The following MARCHF1 variants were observed in gnomAD, a reference collection of about 807,000 sequenced individuals.
MARCHF1 encodes membrane associated ring-CH-type finger 1.
In MARCHF1, 40 loss-of-function variants were observed where a neutral mutation model predicts 54.2. That is an observed-to-expected ratio of 0.74 (90% confidence interval 0.57 to 0.96). The LOEUF (loss-of-function observed/expected upper bound fraction) is 0.96, where lower values mean the gene tolerates loss of function less well. MARCHF1 is among the 40% of genes least tolerant of loss of function. The pLI is 0.00. For missense variants in MARCHF1, 586 were observed against 656.5 expected (o/e 0.89, Z 1.17); for synonymous variants, 236 against 236.3 (o/e 1.00, Z 0.01).
At chr4:163,773,642 G>T (rs1747221398) in intron 4 of MARCHF1, among the ~76,000 whole-genome samples, 1 of 152,164 alleles carries the variant, frequency 6.6e-6, no homozygotes, top group African/African-American at 2.4e-5. Flanking sequence ...AGATTGTGAA[G>T]TGTGAGACTG....
chr4:163,822,441 T>G (rs1560772522), intron 4 of MARCHF1, among the ~76,000 whole-genome samples: 1 of 151,924 alleles, frequency 6.6e-6, no homozygotes, highest in Admixed American at 6.6e-5. Flanking sequence ...ATAGAGGTCA[T>G]AGGTGTCATT....
intron 2 of MARCHF1, among the ~76,000 whole-genome samples, chr4:164,076,052 T>C (rs544730602): frequency 2.8e-4 from 42 of 152,196 alleles, no homozygotes; most frequent in African/African-American, 9.4e-4. Context: ...TGGTAGGTGC[T>C]TAAAAGAAGT....
chr4:163,785,880 T>C (rs1747604094), intron 4 of MARCHF1, among the ~76,000 whole-genome samples: 1 of 152,148 alleles, frequency 6.6e-6, no homozygotes, highest in Non-Finnish European at 1.5e-5. Flanking sequence ...GGTGAAAATA[T>C]TCTGGATTAT....
Position 164,272,828 on chromosome 4 carries a change from TA to T in MARCHF1, c.-323+111041del, listed in dbSNP as rs549352307. On this transcript the variant is annotated intron_variant, in intron 1 of 9. Transcript: ENST00000514618. ...ATATTATGCAATAAAAATGAGAAAA[TA>T]AAAAAGTAGAAAATGATAAATAACA... is the stretch of plus-strand genomic sequence containing the variant. Among the ~76,000 whole-genome samples the T allele has an allele frequency of 2.8e-3, 424 of 151,498 alleles. 2 individuals are homozygous for T. The highest frequency in any genetic ancestry group is 9.6e-3 in the African/African-American group (397 of 41,340).
chr4:163,622,514 A>G (rs1328136935), intron 5 of MARCHF1, among the ~76,000 whole-genome samples: 1 of 152,194 alleles, frequency 6.6e-6, no homozygotes, highest in Non-Finnish European at 1.5e-5. Context: ...GACTGAGATC[A>G]CTTTGAGAAA....
chr4:163,903,340 A>G lies in MARCHF1; in HGVS notation c.-38-49171T>C, dbSNP rs149938679. Among the ~76,000 whole-genome samples the G allele has an allele frequency of 2.9e-4, 44 of 152,274 alleles. 1 individual carries two copies. Among genetic ancestry groups the G allele is most frequent in the African/African-American group, 1.0e-3 (43 of 41,560 alleles). ...GGAAATTCTACTGCAGCTTATCTCAAGATATCTCTATTTAACCTGGGAATT... is the reference window on the plus strand; with the variant it reads ...GGAAATTCTACTGCAGCTTATCTCAGGATATCTCTATTTAACCTGGGAATT... On this transcript the variant is annotated intron_variant, in intron 3 of 9. Transcript: ENST00000514618.
At chr4:164,183,919 T>C (rs557296850) in intron 1 of MARCHF1, among the ~76,000 whole-genome samples, 19 of 152,272 alleles carry the variant, frequency 1.2e-4, no homozygotes, top group South Asian at 6.2e-4. Flanking sequence ...AGAAAACTAC[T>C]GGTCCTTAGT....
chr4:163,720,703 C>A (rs1289623920), intron 4 of MARCHF1, among the ~76,000 whole-genome samples: 3 of 152,090 alleles, frequency 2.0e-5, no homozygotes, highest in Non-Finnish European at 2.9e-5. Flanking sequence ...TTTTACTTCA[C>A]TGAGCTGTGG....
chr4:163,979,689 T>C (rs1752722276), intron 3 of MARCHF1, among the ~76,000 whole-genome samples: 1 of 152,100 alleles, frequency 6.6e-6, no homozygotes, highest in Non-Finnish European at 1.5e-5. Context: ...ACCTGTTGTT[T>C]CCTGACTTTT....
intron 1 of MARCHF1, among the ~76,000 whole-genome samples, chr4:164,200,579 G>T (rs1731425099): frequency 6.6e-6 from 1 of 152,068 alleles, no homozygotes; most frequent in South Asian, 2.1e-4. Context: ...CAAACTAAAT[G>T]GATCCCACAA....
intron 1 of MARCHF1, among the ~76,000 whole-genome samples, chr4:164,347,689 A>G (rs1730146406): frequency 6.6e-6 from 1 of 152,154 alleles, no homozygotes; most frequent in East Asian, 1.9e-4. Context: ...ATAGCTTTTT[A>G]GTGGAGAACA....
intron 2 of MARCHF1, among the ~76,000 whole-genome samples, chr4:164,075,800 G>T (rs1301112261): frequency 6.6e-6 from 1 of 152,082 alleles, no homozygotes; most frequent in Non-Finnish European, 1.5e-5. Context: ...TAGACCTAAA[G>T]CCCCAAAAGT....
At chr4:164,239,547 C>A (rs1252874857) in intron 1 of MARCHF1, among the ~76,000 whole-genome samples, 1 of 152,034 alleles carries the variant, frequency 6.6e-6, no homozygotes, top group Non-Finnish European at 1.5e-5. Context: ...GATTTTCCTG[C>A]TGGATTATAC....
At chr4:164,287,461 C>T (rs1334080675) in intron 1 of MARCHF1, among the ~76,000 whole-genome samples, 2 of 152,196 alleles carry the variant, frequency 1.3e-5, no homozygotes, top group African/African-American at 4.8e-5. Context: ...TGTCGTGGAA[C>T]ATCCTGATTA....
chr4:163,541,864 C>G (rs573964685), intron 9 of MARCHF1, among the ~76,000 whole-genome samples: 2 of 152,258 alleles, frequency 1.3e-5, no homozygotes, highest in Admixed American at 6.5e-5. Flanking sequence ...AAAGAAATAA[C>G]AGTTTATACA....
intron 4 of MARCHF1, among the ~76,000 whole-genome samples, chr4:163,808,406 GTAAGTTAAAATGCC>G (rs1748286928): frequency 6.6e-6 from 1 of 152,146 alleles, no homozygotes; most frequent in African/African-American, 2.4e-5. Flanking sequence ...AATTTCAAAT[GTAAGTTAAAATGCC>G]TTTTCAATGA....
chr4:163,934,407 T>A (rs1286772940), intron 3 of MARCHF1, among the ~76,000 whole-genome samples: 1 of 150,274 alleles, frequency 6.7e-6, no homozygotes, highest in Non-Finnish European at 1.5e-5. Context: ...ATTTTTTTTT[T>A]AATTAGCCAG....
chr4:163,699,029 A>G lies in MARCHF1; in HGVS notation c.162+1784T>C, dbSNP rs1258932394. Among the ~76,000 whole-genome samples, 3 of 152,306 alleles carry G rather than the reference A, an allele frequency of 2.0e-5. No homozygotes were observed. The East Asian group carries it at 5.8e-4, about 29-fold the overall frequency. On this transcript the variant is annotated intron_variant, in intron 5 of 9. Coordinates refer to ENST00000514618, the MANE Select transcript of MARCHF1 (RefSeq NM_001394959.1). ...GAGGCAACTGTGTCTCGGGAAGGTA[A>G]AGTGAACATCTCAGGGTCATGTAAG...
intron 2 of MARCHF1, among the ~76,000 whole-genome samples, chr4:164,106,796 T>G (rs914191851): frequency 6.8e-6 from 1 of 148,038 alleles, no homozygotes; most frequent in African/African-American, 2.5e-5. Context: ...AAAAAAGGAA[T>G]AAGCTGCCAG....
Sources: allele counts gnomAD v4.1 joint callset (sites outside exome capture counted in the v4.1 genomes callset), GRCh38; gene constraint gnomAD v4.1.1; transcripts MANE v1.5; gene names NCBI Gene and HGNC (gene_info 2026-07-23, HGNC 2026-07-21).